ANK3: variants seen among roughly 807,000 people sequenced by gnomAD.
ANK3 encodes the protein ankyrin 3, also known as ankyrin-3.
A neutral mutation model predicts 370.9 loss-of-function variants in ANK3; 57 were observed. That is an observed-to-expected ratio of 0.15 (90% confidence interval 0.12 to 0.19). ANK3 has a LOEUF of 0.19. Ranked by LOEUF, ANK3 falls within the 10% of genes least tolerant of loss-of-function variation. The pLI is 1.00. For synonymous variants in ANK3, 1,929 were observed against 1,946.3 expected (o/e 0.99, Z 0.23); for missense variants, 4,439 against 5,302.1 (o/e 0.84, Z 5.06).
intron 8 of ANK3, among the ~76,000 whole-genome samples, chr10:60,232,313 T>A (rs1225483614): frequency 1.3e-5 from 2 of 152,162 alleles, no homozygotes; most frequent in Non-Finnish European, 2.9e-5. Context: ...CTTTTCTGCG[T>A]GTCTTGGTAA....
In ANK3 at chr10:60,198,551, T is replaced by C. The variant is rs2096621848; in HGVS notation, c.1492-14A>G. 1.2e-6 allele frequency: 2 copies of C among 1,612,932 alleles called. No homozygotes were observed. The highest frequency in any genetic ancestry group is 1.7e-6 in the Non-Finnish European group (2 of 1,179,000). ...TGTTTGGTCATCCTAAACAGCAAGG[T>C]AGAAATGTAAGGCTGATGAGCTGAG... On this transcript the variant is annotated splice_polypyrimidine_tract_variant and intron_variant, in intron 13 of 43. Transcript: ENST00000280772.
rs145960636 is a variant in ANK3 at position 60,279,137 on chromosome 10, G to A, written c.228C>T (p.Asn76=). 1.5e-5 allele frequency: 24 copies of A among 1,613,484 alleles called. No homozygotes were observed. The highest frequency in any genetic ancestry group is 1.8e-5 in the Non-Finnish European group (21 of 1,179,784). ...CTTCTTTGGAAGCAAGGTGGAGAGC[G>A]TTCAACCCATTCTGATTAAAAGTAA... ...DINICNQNGL[N]ALHLASKEGH... Residue 76 remains asparagine, a synonymous_variant, in exon 3 of 44, where the codon AAC becomes AAT. Transcript: ENST00000280772.
At position 60,075,066 on chromosome 10, in the gene ANK3, T is replaced by C. The variant is rs1194405468; in HGVS notation, c.5815A>G (p.Ile1939Val). The change falls in exon 37 of 44, where the codon ATA becomes GTA. Residue 1939 changes from isoleucine (I) to valine (V), a missense_variant. Transcript: ENST00000280772. Reference protein sequence around the residue: ...FQPELPKEGRIDDEEPFKIVE... With the variant: ...FQPELPKEGRVDDEEPFKIVE... ...ATTTTGAAAGGTTCTTCATCATCTA[T>C]TCTCCCTTCCTTTGGGAGTTCAGGT... 1 of 1,613,948 alleles carries C rather than the reference T, an allele frequency of 6.2e-7. No homozygotes were observed. Among genetic ancestry groups the C allele is most frequent in the Admixed American group, 1.7e-5 (1 of 59,972 alleles).
intron 32 of ANK3, 28 bp downstream of exon 32, chr10:60,084,574 A>G (rs144956517): frequency 6.3e-7 from 1 of 1,583,618 alleles, no homozygotes; most frequent in Non-Finnish European, 8.7e-7. Flanking sequence ...TACGTAATGA[A>G]ATGAACTTGT....
At chr10:60,656,644 T>C (rs1466324643) in intron 1 of ANK3, among the ~76,000 whole-genome samples, 1 of 152,198 alleles carries the variant, frequency 6.6e-6, no homozygotes, top group Non-Finnish European at 1.5e-5. Flanking sequence ...AATAGAAACA[T>C]TTTAAAGCTA....
At chr10:60,053,359 G>T (rs9663655) in intron 42 of ANK3, among the ~76,000 whole-genome samples, 8,882 of 152,214 alleles carry the variant, frequency 0.058, 907 homozygotes, top group African/African-American at 0.2. Context: ...AAAAGTAGAA[G>T]AGCATCTATG....
intron 2 of ANK3, among the ~76,000 whole-genome samples, chr10:60,478,234 G>GT (rs2075123074): frequency 6.6e-6 from 1 of 151,980 alleles, no homozygotes; most frequent in Admixed American, 6.6e-5. Context: ...GACTCAATGG[G>GT]TTTTTCATGG....
At chr10:60,333,460 C>T (rs937044160) in intron 1 of ANK3, among the ~76,000 whole-genome samples, 2 of 152,140 alleles carry the variant, frequency 1.3e-5, no homozygotes, top group Admixed American at 6.5e-5. Flanking sequence ...TCATCTATGT[C>T]CCTGCAAAGG....
At chr10:60,042,072 G>A (rs1471230772) in intron 43 of ANK3, among the ~76,000 whole-genome samples, 1 of 152,140 alleles carries the variant, frequency 6.6e-6, no homozygotes, top group Non-Finnish European at 1.5e-5. Flanking sequence ...GGAAAATAAC[G>A]TGATCTGTAA....
intron 7 of ANK3, among the ~76,000 whole-genome samples, chr10:60,253,844 C>G (rs1383580448): frequency 6.6e-6 from 1 of 151,968 alleles, no homozygotes; most frequent in East Asian, 1.9e-4. Flanking sequence ...AAAATATGTA[C>G]CAATAAAAAA....
chr10:60,722,935 G>A (rs1286014152), intron 1 of ANK3, among the ~76,000 whole-genome samples: 1 of 152,156 alleles, frequency 6.6e-6, no homozygotes, highest in East Asian at 1.9e-4. Context: ...GTAGAACCAT[G>A]AGCCAACTAA....
At chr10:60,088,911 G>T (rs1340733111) in intron 28 of ANK3, among the ~76,000 whole-genome samples, 1 of 152,096 alleles carries the variant, frequency 6.6e-6, no homozygotes, top group Non-Finnish European at 1.5e-5. Flanking sequence ...CTGACATTTT[G>T]CCACCTGTGG....
chr10:60,376,576 C>A (rs1044854789), intron 1 of ANK3, among the ~76,000 whole-genome samples: 5 of 152,210 alleles, frequency 3.3e-5, no homozygotes, highest in Admixed American at 6.5e-5. Flanking sequence ...AAACTGGACT[C>A]ATATGCTTTG....
intron 1 of ANK3, among the ~76,000 whole-genome samples, chr10:60,308,270 A>G (rs1212577844): frequency 6.8e-6 from 1 of 146,810 alleles, no homozygotes; most frequent in African/African-American, 2.5e-5. Context: ...TTGACAGGAG[A>G]CCCTTGACTT....
At chr10:60,085,610 C>CT (rs10601268) in intron 30 of ANK3, among the ~76,000 whole-genome samples, 2,301 of 109,862 alleles carry the variant, frequency 0.021, 49 homozygotes, top group South Asian at 0.048. Context: ...GTCTCTTACT[C>CT]TTTTTTTTTT....
intron 2 of ANK3, among the ~76,000 whole-genome samples, chr10:60,545,425 G>A (rs1191455129): frequency 7.4e-6 from 1 of 134,996 alleles, no homozygotes; most frequent in Non-Finnish European, 1.6e-5. Flanking sequence ...TTGAAATTCT[G>A]TGGTTCTAAT....
chr10:60,216,337 GT>G (rs1228702437), intron 8 of ANK3, among the ~76,000 whole-genome samples: 3 of 152,074 alleles, frequency 2.0e-5, no homozygotes, highest in Non-Finnish European at 4.4e-5. Context: ...ATCCTTGTTT[GT>G]ACCAGTTTTC....
chr10:60,110,597 T>C (rs2092634876), intron 26 of ANK3, among the ~76,000 whole-genome samples: 1 of 152,174 alleles, frequency 6.6e-6, no homozygotes, highest in African/African-American at 2.4e-5. Flanking sequence ...TCGGGATGAA[T>C]TGTTACCAAT....
At chr10:60,419,901 ATATCT>A (rs1380620274) in intron 2 of ANK3, among the ~76,000 whole-genome samples, 9 of 152,030 alleles carry the variant, frequency 5.9e-5, no homozygotes, top group African/African-American at 2.2e-4. Context: ...TTTTCTCTAC[ATATCT>A]TAGAGTATTT....
Sources: allele counts gnomAD v4.1 joint callset (sites outside exome capture counted in the v4.1 genomes callset), GRCh38; gene constraint gnomAD v4.1.1; transcripts MANE v1.5; gene names NCBI Gene and HGNC (gene_info 2026-07-23, HGNC 2026-07-21).